MID1: variants seen among roughly 807,000 people sequenced by gnomAD.
MID1 encodes midline 1.
Under a neutral mutation model 40.4 loss-of-function variants are expected in MID1, and 7 were observed. The observed-to-expected ratio is 0.17, with a 90% CI of 0.10 to 0.33. The LOEUF (loss-of-function observed/expected upper bound fraction) is 0.33, where lower values mean the gene tolerates loss of function less well. Among genes scored for constraint, MID1 ranks in the 10% least tolerant of loss-of-function variants. The pLI, the probability that MID1 is intolerant of heterozygous loss-of-function variation, is 1.00. For missense variants in MID1, 367 were observed against 558.5 expected (o/e 0.66, Z 3.46); for synonymous variants, 229 against 221.2 (o/e 1.04, Z -0.31).
chrX:10,566,360 T>C (rs187265037), intron 2 of MID1, among the ~76,000 whole-genome samples: 149 of 111,528 alleles, frequency 1.3e-3, no homozygotes, highest in African/African-American at 4.7e-3. Flanking sequence ...ATCCCACATT[T>C]GCTACAGACA....
intron 1 of MID1, among the ~76,000 whole-genome samples, chrX:10,719,807 G>T (rs1218134243): frequency 9.0e-6 from 1 of 111,057 alleles, no homozygotes; most frequent in Admixed American, 9.6e-5. Context: ...ATACTACAAG[G>T]CTACAGTAAC....
chrX:10,543,382 G>T (rs1933550664), intron 2 of MID1, among the ~76,000 whole-genome samples: 1 of 112,149 alleles, frequency 8.9e-6, no homozygotes, highest in Non-Finnish European at 1.9e-5. Flanking sequence ...GTAACAATGA[G>T]AATAGCAGCA....
intron 1 of MID1, among the ~76,000 whole-genome samples, chrX:10,605,209 A>G (rs1042473918): frequency 8.9e-6 from 1 of 112,205 alleles, no homozygotes; most frequent in Non-Finnish European, 1.9e-5. Flanking sequence ...TTGTCAGGCA[A>G]TTTTGGAAAT....
intron 1 of MID1, among the ~76,000 whole-genome samples, chrX:10,757,074 T>C (rs1475721463): frequency 1.8e-5 from 2 of 112,045 alleles, no homozygotes; most frequent in African/African-American, 6.5e-5. Flanking sequence ...GTCCTTGAAC[T>C]TGGGCATCAG....
chrX:10,694,285 T>A (rs1036572126), intron 1 of MID1, among the ~76,000 whole-genome samples: 1 of 112,414 alleles, frequency 8.9e-6, no homozygotes, highest in African/African-American at 3.2e-5. Flanking sequence ...AAAAGCCGTT[T>A]GTTTCTTTTA....
rs1043173800 is a variant in MID1, at chrX:10,567,308, C to G, written c.240G>C (p.Gln80His). 4 of 1,195,550 alleles carry G rather than the reference C, an allele frequency of 3.3e-6. No homozygotes were observed. Among genetic ancestry groups the G allele is most frequent in the African/African-American group, 1.7e-5 (1 of 57,443 alleles). Residue 80 changes from glutamine (Q) to histidine (H), a missense_variant, in exon 2 of 10, where the codon CAG (glutamine) becomes CAC (histidine). By Grantham distance (24) the Gln-to-His change is conservative (BLOSUM62 0). Around this residue, in one of 3 missense-constraint regions of MID1, gnomAD observed 78 missense variants for 112.6 expected, o/e 0.69. Coordinates refer to ENST00000317552, the MANE Select transcript of MID1 (RefSeq NM_000381.4). ...CTTTCTGGAACCTGTCGATGATGTT[C>G]TGTAGGGTGACGTTGCGCTTGAGCC... ...LDGLKRNVTL[Q>H]NIIDRFQKAS...
At chrX:10,749,602 G>T (rs973298438) in intron 1 of MID1, among the ~76,000 whole-genome samples, 2 of 112,045 alleles carry the variant, frequency 1.8e-5, no homozygotes, top group African/African-American at 6.5e-5. Flanking sequence ...TTGGCTCATG[G>T]TCCTACAGGC....
chrX:10,618,540 A>C (rs1423775371), intron 1 of MID1, among the ~76,000 whole-genome samples: 1 of 111,912 alleles, frequency 8.9e-6, no homozygotes, highest in African/African-American at 3.3e-5. Flanking sequence ...CAGGCCAAAA[A>C]AATTAGTAGA....
intron 1 of MID1, among the ~76,000 whole-genome samples, chrX:10,773,595 T>C (rs1356281304): frequency 8.9e-6 from 1 of 112,494 alleles, no homozygotes; most frequent in Non-Finnish European, 1.9e-5. Flanking sequence ...GCAGCTGATC[T>C]TTTTTTGAAC....
intron 1 of MID1, among the ~76,000 whole-genome samples, chrX:10,720,062 G>C (rs1234652559): frequency 8.9e-6 from 1 of 111,975 alleles, no homozygotes; most frequent in African/African-American, 3.2e-5. Flanking sequence ...ATGGATTAAA[G>C]ATTTAAATGT....
chrX:10,771,719 G>A (rs2043772140), intron 1 of MID1, among the ~76,000 whole-genome samples: 3 of 101,039 alleles, frequency 3.0e-5, no homozygotes, highest in Admixed American at 1.1e-4. Context: ...ATGTTGGCCA[G>A]GCTGGTCTTG....
intron 1 of MID1, among the ~76,000 whole-genome samples, chrX:10,715,329 A>C (rs756140393): frequency 1.8e-5 from 2 of 111,794 alleles, no homozygotes; most frequent in Non-Finnish European, 3.8e-5. Flanking sequence ...CACCTGGAAA[A>C]TCGGGTTACT....
At chrX:10,542,923 G>A (rs1475846027) in intron 2 of MID1, among the ~76,000 whole-genome samples, 1 of 112,230 alleles carries the variant, frequency 8.9e-6, no homozygotes, top group East Asian at 2.8e-4. Context: ...TTAATTCAAT[G>A]ACTACATACC....
At chrX:10,603,195 A>T (rs1250983769) in intron 1 of MID1, among the ~76,000 whole-genome samples, 1 of 111,789 alleles carries the variant, frequency 8.9e-6, no homozygotes, top group Non-Finnish European at 1.9e-5. Context: ...TTTCTCTTTG[A>T]TTAATATCCT....
chrX:10,703,393 C>T (rs2043204704), intron 1 of MID1, among the ~76,000 whole-genome samples: 1 of 112,392 alleles, frequency 8.9e-6, no homozygotes, highest in Non-Finnish European at 1.9e-5. Context: ...AGGCTGGGTG[C>T]AGTGGCTTAT....
At chrX:10,610,933 T>C (rs1306537351) in intron 1 of MID1, among the ~76,000 whole-genome samples, 2 of 112,111 alleles carry the variant, frequency 1.8e-5, no homozygotes, top group Admixed American at 1.9e-4. Flanking sequence ...ACAATTTACC[T>C]GGTTAAAATT....
At chrX:10,772,563 A>G (rs952943131) in intron 1 of MID1, among the ~76,000 whole-genome samples, 2 of 110,525 alleles carry the variant, frequency 1.8e-5, no homozygotes, top group Non-Finnish European at 3.8e-5. Flanking sequence ...ACCCATGGAA[A>G]TAAAAAATTT....
At chrX:10,806,271 A>G (rs1054093373) in intron 1 of MID1, among the ~76,000 whole-genome samples, 1 of 112,200 alleles carries the variant, frequency 8.9e-6, no homozygotes, top group Non-Finnish European at 1.9e-5. Context: ...GAAGCGATCC[A>G]GTTTCAGCAG....
intron 1 of MID1, among the ~76,000 whole-genome samples, chrX:10,775,135 G>A (rs1312197294): frequency 9.7e-6 from 1 of 103,367 alleles, no homozygotes; most frequent in East Asian, 3.1e-4. Context: ...GGCGAGGGAG[G>A]AGGGGGAGGG....
Sources: allele counts gnomAD v4.1 joint callset (sites outside exome capture counted in the v4.1 genomes callset), GRCh38; gene constraint gnomAD v4.1.1; regional missense constraint gnomAD v4.1.1; transcripts MANE v1.5; gene names NCBI Gene and HGNC (gene_info 2026-07-23, HGNC 2026-07-21).